Variants in DBH observed in about 807,000 individuals in gnomAD.
DBH encodes the protein dopamine beta-hydroxylase (dopamine beta-monooxygenase).
A neutral mutation model predicts 64.0 loss-of-function variants in DBH; 49 were observed. The observed-to-expected ratio is 0.77, with a 90% CI of 0.61 to 0.97. DBH has a LOEUF of 0.97. Ranked by LOEUF, DBH falls within the 50% of genes least tolerant of loss-of-function variation. The pLI is 0.00. For missense variants in DBH, 828 were observed against 826.6 expected (o/e 1.00, Z -0.02); for synonymous variants, 343 against 347.1 (o/e 0.99, Z 0.13).
chr9:133,639,924 C>T lies in DBH; in HGVS notation c.418C>T (p.Pro140Ser), dbSNP rs78929918. 3.7e-5 allele frequency: 60 copies of T among 1,613,636 alleles called. No homozygotes were observed. Among genetic ancestry groups the T allele is most frequent in the Non-Finnish European group, 4.9e-5 (58 of 1,179,948 alleles). ...CCAGCTGCTGCAGGTGCAGAGGACC[C>T]CAGAAGGCCTGACCCTGCTTTTCAA... is the stretch of plus-strand genomic sequence containing the variant. The part of the protein sequence containing the change: ...DYQLLQVQRT[P>S]EGLTLLFKRP... Residue 140 changes from proline to serine, a missense_variant, in exon 2 of 12, where the codon CCA becomes TCA. Transcript: ENST00000393056.
Position 133,656,533 on chromosome 9 carries a change from G to A in DBH, c.1445G>A (p.Gly482Glu). The A allele has an allele frequency of 6.2e-7, 1 of 1,613,920 alleles. No individual in the cohort carries two copies. Among genetic ancestry groups the A allele is most frequent in the African/African-American group, 1.3e-5 (1 of 75,024 alleles). ...TCCTCCAACTTGCAGGGGGGCTTCG[G>A]GATCCTGGAGGAGATGTGTGTCAAC... The part of the protein sequence containing the change: ...DRELATVGGF[G>E]ILEEMCVNYV... Residue 482 changes from glycine (G) to glutamate (E), a missense_variant, in exon 10 of 12, where the codon GGG becomes GAG. By Grantham distance (98) the Gly-to-Glu change is moderately conservative. Transcript: ENST00000393056.
chr9:133,657,513 A>AGAGAGG (rs1832350432), intron 11 of DBH, among the ~76,000 whole-genome samples: 2 of 149,962 alleles, frequency 1.3e-5, no homozygotes, highest in African/African-American at 2.5e-5. Context: ...AGAGAGAGAG[A>AGAGAGG]GAGAGGGAGA....
At chr9:133,656,965 T>C in intron 10 of DBH, 105 bp from the exon 11 acceptor site, 1 of 1,344,824 alleles carries the variant, frequency 7.4e-7, no homozygotes, top group Non-Finnish European at 1.1e-6. Flanking sequence ...GGCAGGACGG[T>C]TGCCCCAGGG....
chr9:133,644,119 CCT>C, intron 4 of DBH, 97 bp from the exon 5 acceptor site: 1 of 892,130 alleles, frequency 1.1e-6, no homozygotes, highest in Non-Finnish European at 1.9e-6. Context: ...CTCCACCACC[CCT>C]GAGGCTCAGG....
In DBH at chr9:133,652,972, C is replaced by T. The variant is rs772651848; in HGVS notation, c.1407C>T (p.Asn469=). 1.2e-6 allele frequency: 2 copies of T among 1,613,440 alleles called. No homozygotes were observed. Among genetic ancestry groups the T allele is most frequent in the Non-Finnish European group, 1.7e-6 (2 of 1,179,744 alleles). ...TGCTCATCACCTCCTGCACGTACAACACAGAAGACCGGGAGCTGGCCACAG... is the reference window on the plus strand; with the variant it reads ...TGCTCATCACCTCCTGCACGTACAATACAGAAGACCGGGAGCTGGCCACAG... ...GDVLITSCTY[N]TEDRELATVG... The change falls in exon 9 of 12, where the codon AAC becomes AAT. Residue 469 remains asparagine, a synonymous_variant. Transcript: ENST00000393056.
At chr9:133,653,228 G>A (rs1054865004) in intron 9 of DBH, among the ~76,000 whole-genome samples, 5 of 152,166 alleles carry the variant, frequency 3.3e-5, no homozygotes, top group African/African-American at 7.2e-5. Context: ...GACACAGGCG[G>A]TGGCATCGGG....
In DBH at chr9:133,657,442, GGA is replaced by G. The variant is rs1275635425; in HGVS notation, c.1722+221_1722+222del. ...AGAGAGAGGAGAGAGAGGAGAGAGA[GGA>G]GAGAGAGGAGAGAGGGAGAGGGAGA... On this transcript the variant is annotated intron_variant, in intron 11 of 11. Transcript: ENST00000393056. 1,335 of 506,160 alleles carry G rather than the reference GGA, an allele frequency of 2.6e-3. 17 individuals are homozygous for G. The highest frequency in any genetic ancestry group is 0.024 in the African/African-American group (889 of 37,006). 31.4% of individuals were successfully genotyped at this position (506,160 alleles called of 1,614,324 possible).
At chr9:133,653,390 A>G (rs980367647) in intron 9 of DBH, among the ~76,000 whole-genome samples, 3 of 152,178 alleles carry the variant, frequency 2.0e-5, no homozygotes, top group African/African-American at 7.2e-5. Flanking sequence ...CTCAAGGTGC[A>G]CCAGGGAGAC....
chr9:133,639,798 G>C (rs1832094431), intron 1 of DBH, 48 bp from the exon 2 acceptor site: 1 of 1,585,504 alleles, frequency 6.3e-7, no homozygotes, highest in Admixed American at 1.8e-5. Flanking sequence ...CTGTGGATTG[G>C]CCCGGCTTGG....
chr9:133,638,178 G>C (rs925211063), intron 1 of DBH, among the ~76,000 whole-genome samples: 1 of 152,238 alleles, frequency 6.6e-6, no homozygotes, highest in Non-Finnish European at 1.5e-5. Context: ...GAAAGCAAAT[G>C]TCAGCCTTAT....
chr9:133,652,124 C>T, intron 7 of DBH, 122 bp from the exon 8 acceptor site: 1 of 1,143,582 alleles, frequency 8.7e-7, no homozygotes, highest in South Asian at 1.3e-5. Flanking sequence ...ACTGTAGAGG[C>T]TGGGGCAAAA....
chr9:133,651,832 C>T lies in DBH; in HGVS notation c.1335+55C>T, dbSNP rs1832253305. ...CCCCCACACCCTGCCACCACACGAC[C>T]TCCTGGGTCTACTGTTTCCTGACAC... On this transcript the variant is annotated intron_variant, in intron 7 of 11. Transcript: ENST00000393056. 1.1e-5 allele frequency: 16 copies of T among 1,485,772 alleles called. No individual in the cohort carries two copies. In the Admixed American group the frequency reaches 2.8e-4, roughly 26 times the overall value. The allele number at this position is 1,485,772 out of a possible 1,614,324, so 92.0% of individuals were successfully genotyped here.
rs1440320257 is a variant in DBH at position 133,644,254 on chromosome 9, G to GGGGGTCC, written c.959_965dup (p.Ser325ArgfsTer254). On this transcript the variant is annotated frameshift_variant, in exon 5 of 12. Coordinates refer to ENST00000393056, the MANE Select transcript of DBH (RefSeq NM_000787.4). LOFTEE classifies it high-confidence loss of function. ...CCCAGAGGAAGCCGGCCTTGCCTTCGGGGGTCCAGGGTCCTCCAGATATCT... is the reference window on the plus strand; with the variant it reads ...CCCAGAGGAAGCCGGCCTTGCCTTCGGGGGTCCGGGGTCCAGGGTCCTCCAGATATCT... The GGGGGTCC allele has an allele frequency of 6.2e-7, 1 of 1,613,984 alleles. No homozygotes were observed. Among genetic ancestry groups the GGGGGTCC allele is most frequent in the Non-Finnish European group, 8.5e-7 (1 of 1,179,984 alleles).
chr9:133,656,695 C>T, intron 10 of DBH, 45 bp downstream of exon 10: 1 of 1,606,362 alleles, frequency 6.2e-7, no homozygotes. Flanking sequence ...GGAACCCCGA[C>T]ACAGAACCTC....
In DBH at chr9:133,656,659, T is replaced by C. The variant is rs1832325087; in HGVS notation, c.1562+9T>C. ...TTCCACCTCATCAACAGGTGAGGGC[T>C]CCCTGCACAAGCTCCCTGCCCCCAG... On this transcript the variant is annotated intron_variant, in intron 10 of 11. Transcript: ENST00000393056. 3 of 1,611,322 alleles carry C rather than the reference T, an allele frequency of 1.9e-6. No homozygotes were observed. Among genetic ancestry groups the C allele is most frequent in the South Asian group, 2.2e-5 (2 of 91,038 alleles).
rs377563744 is a variant in DBH at position 133,657,106 on chromosome 9, G to A, written c.1599G>A (p.Ala533=). 116 of 1,613,916 alleles carry A rather than the reference G, an allele frequency of 7.2e-5. No individual in the cohort carries two copies. Among genetic ancestry groups the A allele is most frequent in the Middle Eastern group, 3.3e-4 (2 of 6,084 alleles). ...NNEDVCTCPQ[A]SVSQQFTSVP... ...AGGATGTCTGCACCTGCCCTCAGGCGTCCGTGTCTCAGCAGTTCACCTCTG... is the reference window on the plus strand; with the variant it reads ...AGGATGTCTGCACCTGCCCTCAGGCATCCGTGTCTCAGCAGTTCACCTCTG... The change falls in exon 11 of 12, where the codon GCG becomes GCA. Residue 533 remains alanine, a synonymous_variant. Coordinates refer to ENST00000393056, the MANE Select transcript of DBH (RefSeq NM_000787.4).
Position 133,639,847 on chromosome 9 carries a change from A to G in DBH, c.341A>G (p.Asp114Gly). Residue 114 changes from aspartate to glycine, a missense_variant and splice_region_variant, in exon 2 of 12, where the codon GAC becomes GGC. Coordinates refer to ENST00000393056, the MANE Select transcript of DBH (RefSeq NM_000787.4). ...GGAGCCCAGTGCTTGTCTCTGCAGG[A>G]CGCCTGGAGTGACCAGAAGGGGCAG... is the stretch of plus-strand genomic sequence containing the variant. ...WTDGDTAYFADAWSDQKGQIH... is the reference protein window; with the variant it reads ...WTDGDTAYFAGAWSDQKGQIH... 1 of 1,609,930 alleles carries G rather than the reference A, an allele frequency of 6.2e-7. No homozygotes were observed. Among genetic ancestry groups the G allele is most frequent in the Non-Finnish European group, 8.5e-7 (1 of 1,178,752 alleles).
rs199734841 is a variant in DBH at position 133,642,464 on chromosome 9, G to C, written c.744G>C (p.Lys248Asn). 2.3e-5 allele frequency: 37 copies of C among 1,604,806 alleles called. No homozygotes were observed. ...GCTTCTCTCGGCACCACATTATCAA[G>C]GTACGTGCGGGTCCAGGGCCGAGGT... ...PKGFSRHHII[K>N]YEPIVTKGNE... is the part of the protein sequence containing the mutation. Residue 248 changes from lysine (K) to asparagine (N), a missense_variant and splice_region_variant, in exon 3 of 12, where the codon AAG becomes AAC. Transcript: ENST00000393056.
intron 9 of DBH, chr9:133,656,281 T>G: frequency 1.9e-6 from 1 of 520,586 alleles, no homozygotes; most frequent in South Asian, 2.0e-5. Context: ...CGTTTCATTT[T>G]TCCTCACAGC....
Sources: allele counts gnomAD v4.1 joint callset (sites outside exome capture counted in the v4.1 genomes callset), GRCh38; gene constraint gnomAD v4.1.1; transcripts MANE v1.5; gene names NCBI Gene and HGNC (gene_info 2026-07-23, HGNC 2026-07-21).